Variants in GPC6 observed in about 807,000 individuals in gnomAD.
GPC6 encodes the protein glypican-6.
GPC6 carries 14 observed loss-of-function variants against 55.2 expected under a neutral mutation model. The observed-to-expected ratio is 0.25, with a 90% confidence interval of 0.17 to 0.40. The LOEUF is 0.40. Among genes scored for constraint, GPC6 ranks in the 10% least tolerant of loss-of-function variants. GPC6 has a pLI of 1.00. For synonymous variants in GPC6, 278 were observed against 259.6 expected, an observed-to-expected ratio of 1.07 and a Z score of -0.68; for missense variants, 641 against 708.5, an observed-to-expected ratio of 0.90 and a Z score of 1.08.
chr13:93,938,180 T>A (rs1878538155), intron 3 of GPC6, among the ~76,000 whole-genome samples: 1 of 152,186 alleles, frequency 6.6e-6, no homozygotes, highest in African/African-American at 2.4e-5. Flanking sequence ...TAGCCAATTT[T>A]TCCTGATAAT....
chr13:94,092,148 G>A (rs1885509250), intron 4 of GPC6, among the ~76,000 whole-genome samples: 1 of 150,744 alleles, frequency 6.6e-6, no homozygotes, highest in Non-Finnish European at 1.5e-5. Context: ...CGGGATTGGT[G>A]AGAACATTTA....
chr13:93,651,073 A>G (rs1164348822), intron 2 of GPC6, among the ~76,000 whole-genome samples: 2 of 152,194 alleles, frequency 1.3e-5, no homozygotes, highest in African/African-American at 2.4e-5. Flanking sequence ...GTGCAAACAC[A>G]AGAGGCATCA....
chr13:93,838,824 C>T (rs1451881772), intron 3 of GPC6, among the ~76,000 whole-genome samples: 1 of 151,118 alleles, frequency 6.6e-6, no homozygotes, highest in African/African-American at 2.4e-5. Flanking sequence ...GGCCCTGTCC[C>T]CAGAGTCAGG....
chr13:94,050,430 A>G (rs1883902225), intron 4 of GPC6, among the ~76,000 whole-genome samples: 1 of 152,178 alleles, frequency 6.6e-6, no homozygotes, highest in Non-Finnish European at 1.5e-5. Flanking sequence ...TAGTAGCAGT[A>G]CTGTCCTTGT....
At chr13:94,366,594 A>T (rs1022429239) in intron 6 of GPC6, among the ~76,000 whole-genome samples, 4 of 152,230 alleles carry the variant, frequency 2.6e-5, no homozygotes, top group Non-Finnish European at 5.9e-5. Flanking sequence ...CGCACTTGAG[A>T]TCTTCCAATC....
At chr13:94,087,086 T>G (rs1229773526) in intron 4 of GPC6, among the ~76,000 whole-genome samples, 3 of 152,196 alleles carry the variant, frequency 2.0e-5, no homozygotes, top group Admixed American at 1.3e-4. Flanking sequence ...CTCTCAGTGG[T>G]GCTTTATGAA....
rs796813984 is a variant in GPC6 at position 94,331,526 on chromosome 13, G to A, written c.1152+25403G>A. Reference sequence around the variant, plus strand: ...GTGTGGTTACATGGAGTCAGGCAGAGGGCCCAGAACTGATCTATCTGCATT... The same window carrying A: ...GTGTGGTTACATGGAGTCAGGCAGAAGGCCCAGAACTGATCTATCTGCATT... On this transcript the variant is annotated intron_variant, in intron 6 of 8. Coordinates refer to ENST00000377047, the MANE Select transcript of GPC6 (RefSeq NM_005708.5). 2.0e-5 allele frequency among the ~76,000 whole-genome samples: 3 copies of A among 152,100 alleles called. No individual in the cohort carries two copies. In the South Asian group the frequency reaches 6.2e-4, roughly 32 times the overall value.
intron 7 of GPC6, among the ~76,000 whole-genome samples, chr13:94,393,062 T>G (rs942464863): frequency 5.3e-5 from 8 of 152,208 alleles, no homozygotes; most frequent in Non-Finnish European, 8.8e-5. Context: ...ATTATAGCCA[T>G]CCTAATATGT....
At chr13:94,107,294 G>GAA (rs1045042778) in intron 4 of GPC6, among the ~76,000 whole-genome samples, 1 of 151,900 alleles carries the variant, frequency 6.6e-6, no homozygotes, top group African/African-American at 2.4e-5. Flanking sequence ...TGCCAGAAAG[G>GAA]AAAAAAATGT....
chr13:93,832,873 C>T (rs1887572289), intron 3 of GPC6, among the ~76,000 whole-genome samples: 1 of 152,140 alleles, frequency 6.6e-6, no homozygotes, highest in Admixed American at 6.5e-5. Flanking sequence ...TCAAGACCAC[C>T]ATTCTTTTGC....
chr13:93,614,964 A>G (rs1385159983), intron 2 of GPC6, among the ~76,000 whole-genome samples: 1 of 152,052 alleles, frequency 6.6e-6, no homozygotes, highest in African/African-American at 2.4e-5. Flanking sequence ...ACTATGTACA[A>G]TTTAATGTAT....
At chr13:94,113,683 C>A (rs9524333) in intron 4 of GPC6, among the ~76,000 whole-genome samples, 1 of 152,154 alleles carries the variant, frequency 6.6e-6, no homozygotes. Flanking sequence ...GAAGTGATTT[C>A]TTGTTTGTGA....
At chr13:93,774,200 C>T (rs1020779368) in intron 2 of GPC6, among the ~76,000 whole-genome samples, 5 of 152,114 alleles carry the variant, frequency 3.3e-5, no homozygotes, top group African/African-American at 9.7e-5. Context: ...GGCACTATTC[C>T]TAAGTAACGC....
chr13:94,062,117 A>T (rs2138769425), intron 4 of GPC6, among the ~76,000 whole-genome samples: 1 of 152,316 alleles, frequency 6.6e-6, no homozygotes, highest in Middle Eastern at 3.4e-3. Flanking sequence ...ACAACTGGTG[A>T]GTGAAGAAAC....
chr13:93,789,553 CTTAG>C (rs1885937312), intron 2 of GPC6, among the ~76,000 whole-genome samples: 4 of 86,374 alleles, frequency 4.6e-5, no homozygotes, highest in African/African-American at 9.5e-5. Context: ...AATATAGGGA[CTTAG>C]TTAATAATAT....
rs976254741 is a variant in GPC6, at chr13:93,698,752, C to T, written c.320-131402C>T. Among the ~76,000 whole-genome samples, 3 of 151,920 alleles carry T rather than the reference C, an allele frequency of 2.0e-5. 1 individual carries two copies. Among genetic ancestry groups the T allele is most frequent in the Middle Eastern group, 6.3e-3 (2 of 316 alleles). Reference sequence around the variant, plus strand: ...CCGATGGTTCTTGAAAATTTAAAAACCAATGTATTTGGCTTTCACAATCCT... The same window carrying T: ...CCGATGGTTCTTGAAAATTTAAAAATCAATGTATTTGGCTTTCACAATCCT... On this transcript the variant is annotated intron_variant, in intron 2 of 8. Transcript: ENST00000377047.
chr13:93,408,974 A>G (rs961342756), intron 1 of GPC6, among the ~76,000 whole-genome samples: 3 of 152,156 alleles, frequency 2.0e-5, no homozygotes, highest in East Asian at 1.9e-4. Context: ...TTTTACTTAT[A>G]CTTCAATCTG....
At chr13:93,686,930 G>A (rs1882071141) in intron 2 of GPC6, among the ~76,000 whole-genome samples, 1 of 151,878 alleles carries the variant, frequency 6.6e-6, no homozygotes, top group Admixed American at 6.6e-5. Flanking sequence ...TTTATATGGA[G>A]AAGAATTGAG....
At chr13:93,531,158 C>T (rs1881850703) in intron 1 of GPC6, among the ~76,000 whole-genome samples, 1 of 151,940 alleles carries the variant, frequency 6.6e-6, no homozygotes, top group Admixed American at 6.6e-5. Context: ...GCAGAGGTTC[C>T]CAAGTATTCT....
Sources: gnomAD v4.1 joint callset for allele counts (sites outside exome capture counted in the v4.1 genomes callset) on GRCh38, gnomAD v4.1.1 for gene constraint, MANE v1.5 for transcripts, NCBI Gene and HGNC (gene_info 2026-07-23, HGNC 2026-07-21) for gene names.